Variants in FILIP1 observed in about 807,000 individuals in gnomAD.
FILIP1 encodes filamin-A-interacting protein 1.
FILIP1 carries 61 observed loss-of-function variants against 102.1 expected under a neutral mutation model. The observed-to-expected ratio is 0.60, with a 90% CI of 0.49 to 0.74. FILIP1 has a LOEUF of 0.74. Among genes scored for constraint, FILIP1 ranks in the 30% least tolerant of loss-of-function variants. The pLI, the probability that FILIP1 is intolerant of heterozygous loss-of-function variation, is 0.00. For missense variants in FILIP1, 1,314 were observed against 1,441.2 expected (o/e 0.91, Z 1.43); for synonymous variants, 491 against 526.9 (o/e 0.93, Z 0.93).
Position 75,417,681 on chromosome 6 carries a change from C to T in FILIP1, c.-6-2703G>A, listed in dbSNP as rs559695871. Among the ~76,000 whole-genome samples, 11 of 152,248 alleles carry T rather than the reference C, an allele frequency of 7.2e-5. No homozygotes were observed. The South Asian group carries it at 2.3e-3, about 32-fold the overall frequency. ...TTACATCAACCCTGTGAAGTAGGTG[C>T]TATTTCTCTCAGGTTTATAGATGAA... On this transcript the variant is annotated intron_variant, in intron 1 of 5. Transcript: ENST00000237172.
At chr6:75,475,468 G>C (rs542353403) in intron 1 of FILIP1, among the ~76,000 whole-genome samples, 1 of 152,172 alleles carries the variant, frequency 6.6e-6, no homozygotes, top group East Asian at 1.9e-4. Flanking sequence ...CCCTACAAAG[G>C]ACAGCACAGC....
chr6:75,477,342 A>G (rs994616040), intron 1 of FILIP1, among the ~76,000 whole-genome samples: 6 of 152,142 alleles, frequency 3.9e-5, no homozygotes, highest in African/African-American at 1.4e-4. Context: ...CAGGAAGAAT[A>G]AGTTTTGAGA....
intron 3 of FILIP1, 79 bp from the exon 4 acceptor site, chr6:75,353,796 C>A: frequency 7.1e-7 from 1 of 1,409,486 alleles, no homozygotes; most frequent in South Asian, 1.3e-5. Context: ...TGACATGGGT[C>A]TAGTGACTTA....
chr6:75,336,998 T>G (rs1292105526), intron 4 of FILIP1, among the ~76,000 whole-genome samples: 1 of 152,206 alleles, frequency 6.6e-6, no homozygotes, highest in Non-Finnish European at 1.5e-5. Flanking sequence ...TGTGTCTTTC[T>G]GTTTTCAGGA....
chr6:75,341,569 C>G (rs1014208188), intron 4 of FILIP1, among the ~76,000 whole-genome samples: 1 of 151,978 alleles, frequency 6.6e-6, no homozygotes, highest in African/African-American at 2.4e-5. Flanking sequence ...TTATGTAGAT[C>G]TTTCACATTC....
intron 4 of FILIP1, among the ~76,000 whole-genome samples, chr6:75,352,649 A>C (rs1473866029): frequency 1.3e-5 from 2 of 152,130 alleles, no homozygotes; most frequent in Non-Finnish European, 2.9e-5. Context: ...CTAGTCATTA[A>C]GTGATTTATA....
chr6:75,409,108 C>T (rs1272634448), intron 2 of FILIP1, among the ~76,000 whole-genome samples: 2 of 152,202 alleles, frequency 1.3e-5, no homozygotes, highest in African/African-American at 4.8e-5. Context: ...TGTGAGTCTA[C>T]TTTAAATAAA....
At chr6:75,396,262 GA>G (rs1429310310) in intron 2 of FILIP1, among the ~76,000 whole-genome samples, 2 of 151,508 alleles carry the variant, frequency 1.3e-5, no homozygotes, top group African/African-American at 4.8e-5. Context: ...AGCCCAAGCA[GA>G]AGACAGACTT....
chr6:75,487,587 A>G (rs1262349694), intron 1 of FILIP1, among the ~76,000 whole-genome samples: 3 of 151,234 alleles, frequency 2.0e-5, no homozygotes, highest in African/African-American at 4.9e-5. Flanking sequence ...TAATTTTTGC[A>G]TAGATCTTTT....
chr6:75,312,170 T>C (rs1773211498), intron 5 of FILIP1, among the ~76,000 whole-genome samples: 1 of 152,248 alleles, frequency 6.6e-6, no homozygotes, highest in African/African-American at 2.4e-5. Context: ...CTCCATAATT[T>C]ACATGAATAG....
exon 7 of FILIP1, chr6:75,293,464 CTAAT>C (rs1772590080): frequency 2.6e-5 from 4 of 152,084 alleles, no homozygotes; most frequent in East Asian, 1.9e-4. Flanking sequence ...CAAAATTAAT[CTAAT>C]TAATTTTATT....
intron 1 of FILIP1, among the ~76,000 whole-genome samples, chr6:75,425,885 C>T (rs539906511): frequency 2.0e-5 from 3 of 152,034 alleles, no homozygotes; most frequent in African/African-American, 7.2e-5. Flanking sequence ...AAATACCTCT[C>T]ATTATCCTCA....
chr6:75,403,444 G>C (rs1024396380), intron 2 of FILIP1, among the ~76,000 whole-genome samples: 2 of 148,064 alleles, frequency 1.4e-5, no homozygotes, highest in African/African-American at 2.5e-5. Flanking sequence ...GAGTTCAGGA[G>C]ATTGAGGCTG....
chr6:75,411,108 C>A (rs1283111396), intron 2 of FILIP1, among the ~76,000 whole-genome samples: 1 of 152,190 alleles, frequency 6.6e-6, no homozygotes, highest in African/African-American at 2.4e-5. Context: ...TTAATGATCA[C>A]CATTCTAACT....
At chr6:75,442,627 G>C (rs1419458386) in intron 1 of FILIP1, among the ~76,000 whole-genome samples, 1 of 152,082 alleles carries the variant, frequency 6.6e-6, no homozygotes, top group African/African-American at 2.4e-5. Context: ...GGCAGCGCGC[G>C]CCTGCAATCG....
At chr6:75,336,501 C>A (rs1483182343) in intron 4 of FILIP1, among the ~76,000 whole-genome samples, 1 of 151,094 alleles carries the variant, frequency 6.6e-6, no homozygotes, top group Non-Finnish European at 1.5e-5. Context: ...CAACATAAAC[C>A]CATGTGAAAA....
At chr6:75,322,217 T>C (rs893137722) in intron 4 of FILIP1, among the ~76,000 whole-genome samples, 2 of 152,204 alleles carry the variant, frequency 1.3e-5, no homozygotes, top group African/African-American at 4.8e-5. Flanking sequence ...ACATCTCTTT[T>C]TTTTTCAACA....
intron 2 of FILIP1, among the ~76,000 whole-genome samples, chr6:75,382,717 G>T (rs1277317151): frequency 6.6e-6 from 1 of 152,174 alleles, no homozygotes; most frequent in Non-Finnish European, 1.5e-5. Context: ...AAACTCTAAA[G>T]GTCGCTACAG....
chr6:75,339,662 G>A (rs1391204248), intron 4 of FILIP1, among the ~76,000 whole-genome samples: 5 of 152,128 alleles, frequency 3.3e-5, no homozygotes, highest in Non-Finnish European at 5.9e-5. Flanking sequence ...ATAAAGTGTG[G>A]GGAGGCCAGG....
Sources: gnomAD v4.1 joint callset for allele counts (sites outside exome capture counted in the v4.1 genomes callset) on GRCh38, gnomAD v4.1.1 for gene constraint, MANE v1.5 for transcripts, NCBI Gene and HGNC (gene_info 2026-07-23, HGNC 2026-07-21) for gene names.